Variants in RASEF observed in about 807,000 individuals in gnomAD.
RASEF encodes RAS and EF-hand domain containing, also known as ras and EF-hand domain-containing protein.
A neutral mutation model predicts 90.1 loss-of-function variants in RASEF; 68 were observed. That is an observed-to-expected ratio of 0.75 (90% CI 0.62 to 0.92). The LOEUF (loss-of-function observed/expected upper bound fraction) is 0.92. RASEF is among the 40% of genes least tolerant of loss of function. RASEF has a pLI of 0.00. For missense variants in RASEF, 949 were observed against 937.2 expected, an observed-to-expected ratio of 1.01 and a Z score of -0.16; for synonymous variants, 331 against 345.2, an observed-to-expected ratio of 0.96 and a Z score of 0.46.
At chr9:83,096,427 A>C in the RASEF span, among the ~76,000 whole-genome samples, 1 of 152,060 alleles carries the variant, frequency 6.6e-6, no homozygotes. Flanking sequence ...GAACAGACCC[A>C]CCTTTGCTGG....
chr9:83,159,833 T>G, the RASEF span, among the ~76,000 whole-genome samples: 1,138 of 152,344 alleles, frequency 7.5e-3, 14 homozygotes, highest in African/African-American at 0.025. Context: ...CCATGTATTG[T>G]GGGAGAAACC....
chr9:83,133,866 T>G, the RASEF span, among the ~76,000 whole-genome samples: 1 of 152,100 alleles, frequency 6.6e-6, no homozygotes, highest in African/African-American at 2.4e-5. Flanking sequence ...CTCACACAAA[T>G]TGAGTTCCAC....
chr9:83,024,759 C>A (rs542975684), intron 2 of RASEF, among the ~76,000 whole-genome samples: 1 of 152,204 alleles, frequency 6.6e-6, no homozygotes, highest in Non-Finnish European at 1.5e-5. Context: ...TTCTTTTCTA[C>A]ATCGTAATGA....
At chr9:83,102,771 T>G in the RASEF span, among the ~76,000 whole-genome samples, 1 of 152,160 alleles carries the variant, frequency 6.6e-6, no homozygotes, top group Admixed American at 6.5e-5. Flanking sequence ...CCACCCCTTA[T>G]TGTCTGGTAC....
At chr9:82,984,801 A>G (rs1382755933) in intron 16 of RASEF, among the ~76,000 whole-genome samples, 1 of 152,222 alleles carries the variant, frequency 6.6e-6, no homozygotes, top group African/African-American at 2.4e-5. Context: ...CTGTCATTGA[A>G]TAAATGCCCA....
intron 12 of RASEF, 39 bp downstream of exon 12, chr9:83,000,130 A>AGG: frequency 6.3e-7 from 1 of 1,588,132 alleles, no homozygotes; most frequent in Non-Finnish European, 8.6e-7. Context: ...AAGCTAAGGA[A>AGG]GGTCATTTTC....
upstream of RASEF, among the ~76,000 whole-genome samples, chr9:83,066,215 A>G (rs1830281285): frequency 6.6e-6 from 1 of 152,216 alleles, no homozygotes; most frequent in Non-Finnish European, 1.5e-5. Context: ...TATCAGGACA[A>G]AATGTAAATA....
chr9:82,993,772 G>A (rs1275737637), intron 14 of RASEF, among the ~76,000 whole-genome samples: 2 of 152,218 alleles, frequency 1.3e-5, no homozygotes, highest in East Asian at 3.9e-4. Context: ...CAGAATGTGA[G>A]ATGAGTGTGG....
At chr9:83,157,423 A>G in the RASEF span, among the ~76,000 whole-genome samples, 1 of 152,212 alleles carries the variant, frequency 6.6e-6, no homozygotes, top group East Asian at 1.9e-4. Context: ...TGACTTTATT[A>G]TAAGAGTAAG....
the RASEF span, among the ~76,000 whole-genome samples, chr9:83,107,869 G>C: frequency 6.6e-6 from 1 of 152,038 alleles, no homozygotes; most frequent in African/African-American, 2.4e-5. Flanking sequence ...CAGTGTCTTT[G>C]GAAACAACAA....
At chr9:83,138,790 C>A in the RASEF span, among the ~76,000 whole-genome samples, 1 of 152,110 alleles carries the variant, frequency 6.6e-6, no homozygotes, top group African/African-American at 2.4e-5. Flanking sequence ...TATAAACAAA[C>A]CCCACTTCAA....
At chr9:83,116,470 G>C in the RASEF span, among the ~76,000 whole-genome samples, 1 of 152,054 alleles carries the variant, frequency 6.6e-6, no homozygotes, top group Non-Finnish European at 1.5e-5. Flanking sequence ...CTTGGTTTAG[G>C]AGACAGGGTT....
the RASEF span, among the ~76,000 whole-genome samples, chr9:83,211,474 G>C: frequency 6.6e-6 from 1 of 152,112 alleles, no homozygotes; most frequent in African/African-American, 2.4e-5. Context: ...CTGTAGCAAA[G>C]TCAAAGAACG....
the RASEF span, among the ~76,000 whole-genome samples, chr9:83,213,259 G>C: frequency 6.6e-6 from 1 of 151,800 alleles, no homozygotes; most frequent in African/African-American, 2.4e-5. Flanking sequence ...AATTAGAGGG[G>C]CATGGTGGCA....
At chr9:83,075,739 A>G in the RASEF span, among the ~76,000 whole-genome samples, 3 of 152,198 alleles carry the variant, frequency 2.0e-5, no homozygotes, top group South Asian at 4.1e-4. Context: ...TCTGTGTGAC[A>G]TGAAAGTAGT....
At chr9:83,205,165 T>C in the RASEF span, among the ~76,000 whole-genome samples, 1 of 152,130 alleles carries the variant, frequency 6.6e-6, no homozygotes. Context: ...AAGAAATACA[T>C]CTATGGAAGA....
the RASEF span, among the ~76,000 whole-genome samples, chr9:83,143,950 A>C: frequency 6.6e-6 from 1 of 152,142 alleles, no homozygotes; most frequent in Non-Finnish European, 1.5e-5. Flanking sequence ...GTACATACAC[A>C]CCATGGAATA....
At position 82,980,091 on chromosome 9, in the gene RASEF, T is replaced by G. The variant is rs1828571165; in HGVS notation, c.*2586A>C. 1 of 152,122 alleles carries G rather than the reference T, an allele frequency of 6.6e-6. No individual in the cohort carries two copies. Among genetic ancestry groups the G allele is most frequent in the Non-Finnish European group, 1.5e-5 (1 of 68,020 alleles). The allele number at this position is 152,122 out of a possible 1,614,324, so 9.4% of individuals were successfully genotyped here. ...CCTTATCCAACATTATTTTCCACAATGAAATTAAAATATTTTACAATGTAT... is the reference window on the plus strand; with the variant it reads ...CCTTATCCAACATTATTTTCCACAAGGAAATTAAAATATTTTACAATGTAT... On this transcript the variant is annotated 3_prime_UTR_variant, in exon 17 of 17. Transcript: ENST00000376447.
the RASEF span, among the ~76,000 whole-genome samples, chr9:83,110,027 CA>C: frequency 1.3e-5 from 2 of 151,864 alleles, no homozygotes; most frequent in Non-Finnish European, 2.9e-5. Context: ...ATAAGTTTAT[CA>C]AAAAAACATT....
Sources: allele counts gnomAD v4.1 joint callset (sites outside exome capture counted in the v4.1 genomes callset), GRCh38; gene constraint gnomAD v4.1.1; transcripts MANE v1.5; gene names NCBI Gene and HGNC (gene_info 2026-07-23, HGNC 2026-07-21).